Variants in KIF18A observed in about 807,000 individuals in gnomAD.
The protein encoded by KIF18A is kinesin-like protein KIF18A.
A neutral mutation model predicts 103.3 loss-of-function variants in KIF18A; 67 were observed. The observed-to-expected ratio is 0.65, with a 90% CI of 0.53 to 0.79. The LOEUF (loss-of-function observed/expected upper bound fraction) is 0.79, where lower values mean the gene tolerates loss of function less well. KIF18A is among the 30% of genes least tolerant of loss of function. The pLI, the probability that KIF18A is intolerant of heterozygous loss-of-function variation, is 0.00. For missense variants in KIF18A, 1,032 were observed against 1,062.5 expected (o/e 0.97, Z 0.40); for synonymous variants, 367 against 355.5 (o/e 1.03, Z -0.36).
At position 28,082,987 on chromosome 11, in the gene KIF18A, T is replaced by C. The variant is rs370839510; in HGVS notation, c.1150-19A>G. ...ATAAAATCTAGTAGAGAGAAATCAC[T>C]AGTTAAAATACAAAAGAAGTCATTT... On this transcript the variant is annotated intron_variant, in intron 8 of 16. Coordinates refer to ENST00000263181, the MANE Select transcript of KIF18A (RefSeq NM_031217.4). The C allele has an allele frequency of 4.7e-6, 7 of 1,504,950 alleles. No individual in the cohort carries two copies. The African/African-American group carries it at 7.0e-5, about 15-fold the overall frequency. 93.2% of individuals were successfully genotyped at this position (1,504,950 alleles called of 1,614,324 possible).
chr11:28,099,190 A>G (rs1441622163), intron 1 of KIF18A, among the ~76,000 whole-genome samples: 3 of 152,200 alleles, frequency 2.0e-5, no homozygotes, highest in East Asian at 1.9e-4. Context: ...TTATGACGAC[A>G]TGAATGAATC....
intron 10 of KIF18A, among the ~76,000 whole-genome samples, chr11:28,073,245 T>C (rs1851044099): frequency 6.6e-6 from 1 of 151,970 alleles, no homozygotes; most frequent in Non-Finnish European, 1.5e-5. Flanking sequence ...TGGCACGAAG[T>C]TTTGAGTATA....
At chr11:28,059,808 T>C (rs914822121) in intron 12 of KIF18A, among the ~76,000 whole-genome samples, 2 of 152,156 alleles carry the variant, frequency 1.3e-5, no homozygotes, top group Admixed American at 6.6e-5. Context: ...TTACTGCTAC[T>C]AATTATCATA....
intron 11 of KIF18A, among the ~76,000 whole-genome samples, chr11:28,064,576 A>C (rs73436503): frequency 3.0e-3 from 451 of 152,188 alleles, no homozygotes; most frequent in African/African-American, 0.01. Context: ...TGTTGTGCTC[A>C]TGTACCCTAA....
At chr11:28,059,473 G>T (rs1850830884) in intron 12 of KIF18A, among the ~76,000 whole-genome samples, 1 of 152,018 alleles carries the variant, frequency 6.6e-6, no homozygotes, top group South Asian at 2.1e-4. Flanking sequence ...TCACTCTGTG[G>T]CCCAGGCTGG....
chr11:28,065,386 G>C (rs544410949), intron 11 of KIF18A, among the ~76,000 whole-genome samples: 1 of 152,076 alleles, frequency 6.6e-6, no homozygotes, highest in Non-Finnish European at 1.5e-5. Context: ...AATGAAAATG[G>C]TTTTAATTTT....
intron 13 of KIF18A, among the ~76,000 whole-genome samples, chr11:28,044,187 T>C (rs1003268464): frequency 6.6e-6 from 1 of 152,070 alleles, no homozygotes; most frequent in African/African-American, 2.4e-5. Context: ...GGATAGGCTG[T>C]AGACTGGGGC....
At position 28,098,117 on chromosome 11, in the gene KIF18A, G is replaced by C. The variant is rs1318467326; in HGVS notation, c.-46-124C>G. The stretch of plus-strand genomic sequence containing the variant: ...TGTTTCACTCACTAGGTAAACACTG[G>C]GGGAAAAATACATACATACGTAGGC... On this transcript the variant is annotated intron_variant, in intron 1 of 16. Transcript: ENST00000263181. 5.5e-6 allele frequency: 3 copies of C among 542,346 alleles called. No individual in the cohort carries two copies. In the African/African-American group the frequency reaches 5.8e-5, roughly 10 times the overall value. 33.6% of individuals were successfully genotyped at this position (542,346 alleles called of 1,614,324 possible).
intron 10 of KIF18A, among the ~76,000 whole-genome samples, chr11:28,071,718 G>GA (rs1360336063): frequency 6.6e-6 from 1 of 152,110 alleles, no homozygotes; most frequent in Non-Finnish European, 1.5e-5. Context: ...TGCTATAACA[G>GA]AAGGTGGGAG....
chr11:28,048,410 TA>T (rs1413335596), intron 13 of KIF18A, among the ~76,000 whole-genome samples: 1 of 152,098 alleles, frequency 6.6e-6, no homozygotes, highest in East Asian at 1.9e-4. Context: ...ATGCAGCTAT[TA>T]AAAATGACTT....
intron 13 of KIF18A, among the ~76,000 whole-genome samples, chr11:28,054,810 A>C (rs1457938801): frequency 6.6e-6 from 1 of 152,226 alleles, no homozygotes; most frequent in Non-Finnish European, 1.5e-5. Flanking sequence ...AAAACACGTT[A>C]ATTATAAAAT....
At chr11:28,103,892 C>G (rs1439797124) in intron 1 of KIF18A, among the ~76,000 whole-genome samples, 2 of 152,020 alleles carry the variant, frequency 1.3e-5, no homozygotes, top group East Asian at 3.8e-4. Context: ...AAAGAAATGG[C>G]AAGATCATGT....
chr11:28,046,290 C>G (rs1346163578), intron 13 of KIF18A, among the ~76,000 whole-genome samples: 2 of 149,278 alleles, frequency 1.3e-5, no homozygotes, highest in African/African-American at 4.9e-5. Context: ...AGACTTGGAA[C>G]CAACCCAAAT....
chr11:28,081,017 A>G (rs557906878), intron 9 of KIF18A, among the ~76,000 whole-genome samples: 1 of 152,364 alleles, frequency 6.6e-6, no homozygotes, highest in African/African-American at 2.4e-5. Flanking sequence ...CCTTATCCAG[A>G]GCAAGCCTTC....
At chr11:28,038,259 A>G (rs1051309851) in intron 13 of KIF18A, among the ~76,000 whole-genome samples, 1 of 151,654 alleles carries the variant, frequency 6.6e-6, no homozygotes, top group Non-Finnish European at 1.5e-5. Context: ...TTAACATTTA[A>G]AAACACAAAC....
In KIF18A at chr11:28,060,422, T is replaced by C. The variant is rs117571575; in HGVS notation, c.1713-1261A>G. 2.0e-4 allele frequency among the ~76,000 whole-genome samples: 30 copies of C among 152,304 alleles called. No individual in the cohort carries two copies. In the East Asian group the frequency reaches 5.8e-3, roughly 29 times the overall value. On this transcript the variant is annotated intron_variant, in intron 12 of 16. Coordinates refer to ENST00000263181, the MANE Select transcript of KIF18A (RefSeq NM_031217.4). The stretch of plus-strand genomic sequence containing the variant: ...AACCTACAAGTCTTAAATATTTCAA[T>C]AGCAGCACAAGAAATTGTGACCTTT...
intron 15 of KIF18A, among the ~76,000 whole-genome samples, chr11:28,027,906 T>G (rs1850341635): frequency 6.6e-6 from 1 of 151,830 alleles, no homozygotes; most frequent in South Asian, 2.1e-4. Flanking sequence ...ACAAGAAAAC[T>G]CCAGGCCAAT....
At chr11:28,090,558 A>C (rs1851287804) in intron 5 of KIF18A, 59 bp downstream of exon 5, 1 of 950,902 alleles carries the variant, frequency 1.1e-6, no homozygotes, top group East Asian at 2.4e-5. Flanking sequence ...ATGATTCATG[A>C]ATTTAGCTTC....
intron 5 of KIF18A, among the ~76,000 whole-genome samples, chr11:28,089,212 A>T (rs1455893573): frequency 6.6e-6 from 1 of 152,210 alleles, no homozygotes; most frequent in Non-Finnish European, 1.5e-5. Context: ...TTAAAATATC[A>T]TATATAAAAA....
Sources: allele counts gnomAD v4.1 joint callset (sites outside exome capture counted in the v4.1 genomes callset), GRCh38; gene constraint gnomAD v4.1.1; transcripts MANE v1.5; gene names NCBI Gene and HGNC (gene_info 2026-07-23, HGNC 2026-07-21).